The following NVL variants were observed in gnomAD, a reference collection of about 807,000 sequenced individuals.
NVL encodes the protein nuclear VCP like.
NVL carries 84 observed loss-of-function variants against 110.2 expected under a neutral mutation model. That is an observed-to-expected ratio of 0.76 (90% CI 0.64 to 0.91). The LOEUF is 0.91. Among genes scored for constraint, NVL ranks in the 40% least tolerant of loss-of-function variants. The pLI, the probability that NVL is intolerant of heterozygous loss-of-function variation, is 0.00. For synonymous variants in NVL, 354 were observed against 361.1 expected (o/e 0.98, Z 0.22); for missense variants, 882 against 1,035.9 (o/e 0.85, Z 2.04).
intron 19 of NVL, among the ~76,000 whole-genome samples, chr1:224,239,052 G>C (rs1304012689): frequency 6.6e-6 from 1 of 152,140 alleles, no homozygotes; most frequent in Non-Finnish European, 1.5e-5. Flanking sequence ...ATTAGACTTG[G>C]AGTGTTCTCT....
chr1:224,239,477 C>G (rs1660909604), intron 19 of NVL, among the ~76,000 whole-genome samples: 1 of 152,028 alleles, frequency 6.6e-6, no homozygotes, highest in African/African-American at 2.4e-5. Flanking sequence ...TATGTAGGAG[C>G]CCTTGTTAGG....
chr1:224,246,443 C>T (rs994960297), intron 19 of NVL, among the ~76,000 whole-genome samples: 2 of 152,206 alleles, frequency 1.3e-5, no homozygotes, highest in South Asian at 2.1e-4. Context: ...GAGTACCATA[C>T]ATTGAATGAA....
intron 12 of NVL, among the ~76,000 whole-genome samples, chr1:224,292,511 T>C (rs1667468572): frequency 6.6e-6 from 1 of 152,180 alleles, no homozygotes; most frequent in Non-Finnish European, 1.5e-5. Context: ...GGCTCAAAGT[T>C]TGGGCATCTA....
At position 224,233,231 on chromosome 1, in the gene NVL, T is replaced by C. The variant is rs1285376212; in HGVS notation, c.2425A>G (p.Met809Val). The part of the protein sequence containing the change: ...EASICALRQE[M>V]ARQKSGNEKG... ...TCATTTCCACTCTTCTGTCTTGCCA[T>C]TTCCTGTCTCAGGGCACAGATAGAA... The change falls in exon 21 of 23, where the codon ATG (methionine) becomes GTG (valine). Residue 809 changes from methionine (M) to valine (V), a missense_variant. Around this residue, in one of 4 missense-constraint regions of NVL, gnomAD observed 126 missense variants for 140.7 expected, o/e 0.90. Transcript: ENST00000281701. 4 of 1,613,408 alleles carry C rather than the reference T, an allele frequency of 2.5e-6. No homozygotes were observed. In the South Asian group the frequency reaches 3.3e-5, roughly 13 times the overall value.
At chr1:224,253,731 CAA>C (rs770232348) in intron 18 of NVL, among the ~76,000 whole-genome samples, 2 of 55,788 alleles carry the variant, frequency 3.6e-5, no homozygotes, top group African/African-American at 6.6e-5. Flanking sequence ...GGCTCGGTCT[CAA>C]AAAAAAAAAA....
intron 10 of NVL, among the ~76,000 whole-genome samples, chr1:224,299,306 TGAATGGGG>T (rs1187668259): frequency 6.6e-6 from 1 of 151,982 alleles, no homozygotes; most frequent in Non-Finnish European, 1.5e-5. Flanking sequence ...CCTGGAAAGT[TGAATGGGG>T]GAAAAAAAAG....
At chr1:224,263,065 A>G (rs191703760) in intron 18 of NVL, among the ~76,000 whole-genome samples, 1 of 152,208 alleles carries the variant, frequency 6.6e-6, no homozygotes, top group South Asian at 2.1e-4. Context: ...AATAGCCATA[A>G]GAGCATATTT....
chr1:224,310,956 C>T (rs1436503379), intron 5 of NVL, among the ~76,000 whole-genome samples: 1 of 152,142 alleles, frequency 6.6e-6, no homozygotes, highest in Non-Finnish European at 1.5e-5. Flanking sequence ...TGGTCTTAAA[C>T]TCCTGGCTTC....
At chr1:224,281,012 T>C in intron 16 of NVL, 111 bp downstream of exon 16, 1 of 1,018,774 alleles carries the variant, frequency 9.8e-7, no homozygotes, top group Non-Finnish European at 1.5e-6. Context: ...GCACTGATTT[T>C]AAATACCAAA....
chr1:224,247,668 CA>C (rs529233393), intron 19 of NVL, among the ~76,000 whole-genome samples: 16 of 145,838 alleles, frequency 1.1e-4, no homozygotes, highest in Non-Finnish European at 1.4e-4. Flanking sequence ...CACTCTGTCT[CA>C]AAAAAAAAAA....
rs1388135190 is a variant in NVL at position 224,250,289 on chromosome 1, C to A, written c.2212G>T (p.Gly738Cys). 1.3e-6 allele frequency: 2 copies of A among 1,599,974 alleles called. No individual in the cohort carries two copies. The highest frequency in any genetic ancestry group is 2.3e-5 in the South Asian group (2 of 88,598). ...ACAAACAGTGTTTTGTCCAGGCGGC[C>A]CGGGCGCAGGATTGCAGGGTCAATT... The part of the protein sequence containing the change: ...DIIDPAILRP[G>C]RLDKTLFVGL... Residue 738 changes from glycine to cysteine, a missense_variant, in exon 19 of 23, where the codon GGC (glycine) becomes TGC (cysteine). By Grantham distance (159) the Gly-to-Cys change is radical. Coordinates refer to ENST00000281701, the MANE Select transcript of NVL (RefSeq NM_002533.4).
At chr1:224,269,754 C>CTTTTTTTTTTCTT (rs1553316278) in intron 17 of NVL, 1 of 143,984 alleles carries the variant, frequency 6.9e-6, no homozygotes, top group African/African-American at 2.5e-5. Flanking sequence ...TTTCTTTTTT[C>CTTTTTTTTTTCTT]TTTTTTTTTT....
intron 14 of NVL, 84 bp from the exon 15 acceptor site, chr1:224,286,214 G>GTTT: frequency 1.0e-6 from 1 of 1,004,596 alleles, no homozygotes; most frequent in Non-Finnish European, 1.5e-6. Context: ...CATATTTTAT[G>GTTT]GTTTTTTTTT....
chr1:224,240,093 T>A (rs1472330055), intron 19 of NVL, among the ~76,000 whole-genome samples: 1 of 103,988 alleles, frequency 9.6e-6, no homozygotes, highest in Non-Finnish European at 1.9e-5. Flanking sequence ...TGAGACGGAG[T>A]CTCACTGTCA....
chr1:224,290,587 G>A (rs1402274115), intron 12 of NVL, among the ~76,000 whole-genome samples: 3 of 152,090 alleles, frequency 2.0e-5, no homozygotes, highest in Non-Finnish European at 2.9e-5. Context: ...CAGATCACGA[G>A]GTCAGGAGAT....
At chr1:224,317,954 T>C (rs371712165) in intron 2 of NVL, 24 bp from the exon 3 acceptor site, 61 of 1,517,152 alleles carry the variant, frequency 4.0e-5, no homozygotes, top group Non-Finnish European at 5.4e-5. Flanking sequence ...ACAAGAAGTT[T>C]ACCATAGTAG....
intron 12 of NVL, among the ~76,000 whole-genome samples, chr1:224,290,262 G>A (rs1667241254): frequency 6.6e-6 from 1 of 152,160 alleles, no homozygotes; most frequent in South Asian, 2.1e-4. Context: ...TGGCAACATG[G>A]TATCTATAAA....
Position 224,287,388 on chromosome 1 carries a change from A to G in NVL, c.1794+387T>C, listed in dbSNP as rs372835214. ...AGGGAAATTATATTTCAAAACAGCT[A>G]GAAGAAAAAAGTATATTTCAAAACA... On this transcript the variant is annotated intron_variant, in intron 14 of 22. Coordinates refer to ENST00000281701, the MANE Select transcript of NVL (RefSeq NM_002533.4). Among the ~76,000 whole-genome samples, 4 of 152,338 alleles carry G rather than the reference A, an allele frequency of 2.6e-5. No homozygotes were observed. In the South Asian group the frequency reaches 8.3e-4, roughly 32 times the overall value.
intron 18 of NVL, among the ~76,000 whole-genome samples, chr1:224,254,441 G>A (rs1346853222): frequency 6.9e-6 from 1 of 143,962 alleles, no homozygotes; most frequent in East Asian, 2.0e-4. Flanking sequence ...TGCCCAGGCT[G>A]GAGTGCAATG....
Sources: allele counts gnomAD v4.1 joint callset (sites outside exome capture counted in the v4.1 genomes callset), GRCh38; gene constraint gnomAD v4.1.1; regional missense constraint gnomAD v4.1.1; transcripts MANE v1.5; gene names NCBI Gene and HGNC (gene_info 2026-07-23, HGNC 2026-07-21).